COL28A1: variants seen among roughly 807,000 people sequenced by gnomAD.
COL28A1 encodes the protein collagen type XXVIII alpha 1 chain.
COL28A1 carries 161 observed loss-of-function variants against 150.2 expected under a neutral mutation model. The ratio of observed to expected loss-of-function variants is 1.07; its 90% CI spans 0.94 to 1.22. The LOEUF is 1.22. Among genes scored for constraint, COL28A1 ranks in the 50% most tolerant of loss-of-function variants. COL28A1 has a pLI of 0.00. For missense variants in COL28A1, 1,617 were observed against 1,388.3 expected (o/e 1.16, Z -2.62); for synonymous variants, 552 against 469.7 (o/e 1.18, Z -2.26).
intron 34 of COL28A1, 144 bp downstream of exon 34, chr7:7,360,246 T>A: frequency 1.4e-6 from 1 of 734,786 alleles, no homozygotes; most frequent in South Asian, 3.7e-5. Context: ...TTTAGAATCA[T>A]AACATTTTCT....
At chr7:7,499,662 A>G (rs980876202) in intron 11 of COL28A1, among the ~76,000 whole-genome samples, 4 of 152,196 alleles carry the variant, frequency 2.6e-5, no homozygotes, top group African/African-American at 9.6e-5. Flanking sequence ...TTTTTGACTT[A>G]TATAAGAACT....
chr7:7,377,358 C>A (rs1781611728), intron 30 of COL28A1, among the ~76,000 whole-genome samples: 1 of 152,026 alleles, frequency 6.6e-6, no homozygotes, highest in African/African-American at 2.4e-5. Context: ...ATATTTATAC[C>A]CCTCAAAGGA....
intron 28 of COL28A1, 135 bp downstream of exon 28, chr7:7,381,404 GATTTT>G (rs1414978515): frequency 2.0e-5 from 13 of 662,448 alleles, no homozygotes; most frequent in South Asian, 1.4e-4. Flanking sequence ...AATGCACGAG[GATTTT>G]ATTTTGAGTG....
chr7:7,495,788 C>G (rs1243441869), intron 11 of COL28A1, among the ~76,000 whole-genome samples: 3 of 152,200 alleles, frequency 2.0e-5, no homozygotes, highest in Non-Finnish European at 4.4e-5. Context: ...CTTGCACCCA[C>G]TCTAGCATGC....
chr7:7,455,364 T>C (rs897908227), intron 16 of COL28A1, among the ~76,000 whole-genome samples: 5 of 152,348 alleles, frequency 3.3e-5, no homozygotes, highest in South Asian at 2.1e-4. Context: ...AGTACTGTTA[T>C]ACTATCTTCA....
intron 27 of COL28A1, among the ~76,000 whole-genome samples, chr7:7,405,180 T>C (rs945280740): frequency 2.0e-5 from 3 of 152,230 alleles, no homozygotes; most frequent in Non-Finnish European, 4.4e-5. Context: ...GTATATGAAC[T>C]AATTTCCTTT....
intron 23 of COL28A1, among the ~76,000 whole-genome samples, chr7:7,433,932 A>G (rs6463692): frequency 0.21 from 32,420 of 152,088 alleles, 4,711 homozygotes; most frequent in African/African-American, 0.41. Flanking sequence ...TCATATGCAA[A>G]CAAACTCGGA....
At chr7:7,489,312 C>A in intron 13 of COL28A1, 77 bp downstream of exon 13, 1 of 828,682 alleles carries the variant, frequency 1.2e-6, no homozygotes, top group South Asian at 1.4e-5. Flanking sequence ...ATTAATCTGA[C>A]CATTTATCCT....
intron 8 of COL28A1, chr7:7,511,758 C>A: frequency 2.1e-6 from 1 of 471,082 alleles, no homozygotes. Context: ...TTAGCGAGGA[C>A]TGCTGTAGGA....
chr7:7,469,621 T>C (rs1255111508), intron 15 of COL28A1, among the ~76,000 whole-genome samples: 2 of 99,938 alleles, frequency 2.0e-5, no homozygotes, highest in Middle Eastern at 6.0e-3. Context: ...TTAAAGTTCA[T>C]ATGGAACCAA....
intron 25 of COL28A1, among the ~76,000 whole-genome samples, chr7:7,421,851 T>G (rs1408522537): frequency 1.3e-5 from 2 of 152,194 alleles, no homozygotes; most frequent in East Asian, 3.8e-4. Flanking sequence ...AGTACTTAGC[T>G]GCTTCTAAGG....
At chr7:7,339,324 C>T in the COL28A1 span, among the ~76,000 whole-genome samples, 1 of 152,230 alleles carries the variant, frequency 6.6e-6, no homozygotes, top group Admixed American at 6.5e-5. Flanking sequence ...CCTAGTCTTG[C>T]ACCAGCCCTA....
At chr7:7,374,038 A>AATATATATATATAT (rs60964603) in intron 31 of COL28A1, among the ~76,000 whole-genome samples, 2 of 113,622 alleles carry the variant, frequency 1.8e-5, no homozygotes, top group African/African-American at 7.6e-5. Context: ...AAAAAAAAAA[A>AATATATATATATAT]ATATATATAT....
At chr7:7,389,224 G>T (rs924774399) in intron 27 of COL28A1, among the ~76,000 whole-genome samples, 1 of 152,086 alleles carries the variant, frequency 6.6e-6, no homozygotes, top group African/African-American at 2.4e-5. Context: ...TGACTAGCCA[G>T]TTTTCCCAAC....
intron 9 of COL28A1, among the ~76,000 whole-genome samples, chr7:7,508,726 G>A (rs1408254660): frequency 6.6e-6 from 1 of 152,122 alleles, no homozygotes. Flanking sequence ...CTGTTGCCCA[G>A]GCTGGAGTAG....
intron 17 of COL28A1, 52 bp from the exon 18 acceptor site, chr7:7,452,439 G>A (rs776481518): frequency 1.9e-6 from 3 of 1,557,168 alleles, no homozygotes; most frequent in South Asian, 2.5e-5. Flanking sequence ...ATATATTCCT[G>A]CTGTTGATCT....
chr7:7,528,572 A>C (rs1182992152), intron 3 of COL28A1, among the ~76,000 whole-genome samples: 1 of 152,228 alleles, frequency 6.6e-6, no homozygotes, highest in African/African-American at 2.4e-5. Flanking sequence ...AAAGGGAGTA[A>C]ACTTCTGATA....
rs530303703 is a variant in COL28A1 at position 7,411,915 on chromosome 7, G to A, written c.2136+5944C>T. ...GACGGGGCATTCTGGAAGTTGCCAT[G>A]GAGACCACCATACTTTCTGTTCTCT... On this transcript the variant is annotated intron_variant, in intron 27 of 34. Transcript: ENST00000399429. Among the ~76,000 whole-genome samples the A allele has an allele frequency of 3.9e-5, 6 of 152,250 alleles. No homozygotes were observed. The East Asian group carries it at 1.2e-3, about 29-fold the overall frequency.
chr7:7,429,923 G>T (rs765465832), intron 25 of COL28A1, among the ~76,000 whole-genome samples: 1 of 152,034 alleles, frequency 6.6e-6, no homozygotes. Context: ...ACATCTTCTG[G>T]CAGCATATTA....
Sources: allele counts gnomAD v4.1 joint callset (sites outside exome capture counted in the v4.1 genomes callset), GRCh38; gene constraint gnomAD v4.1.1; transcripts MANE v1.5; gene names NCBI Gene and HGNC (gene_info 2026-07-23, HGNC 2026-07-21).